Variants in CEACAM1 observed in about 807,000 individuals in gnomAD.
CEACAM1 encodes cell adhesion molecule CEACAM1.
In CEACAM1, 31 loss-of-function variants were observed where a neutral mutation model predicts 49.1. The observed-to-expected ratio is 0.63, with a 90% CI of 0.47 to 0.85. CEACAM1 has a LOEUF of 0.85. Among genes scored for constraint, CEACAM1 ranks in the 40% least tolerant of loss-of-function variants. The probability of loss-of-function intolerance (pLI) is 0.00; values close to 1 mark genes in which losing one functional copy is unlikely to be tolerated. For missense variants in CEACAM1, 570 were observed against 645.3 expected (o/e 0.88, Z 1.26); for synonymous variants, 244 against 247.8 (o/e 0.98, Z 0.14).
chr19:42,517,212 A>G (rs1209983512), intron 5 of CEACAM1, among the ~76,000 whole-genome samples: 1 of 152,252 alleles, frequency 6.6e-6, no homozygotes, highest in African/African-American at 2.4e-5. Flanking sequence ...TGTAAGAGCT[A>G]AAACTATAAA....
intron 8 of CEACAM1, among the ~76,000 whole-genome samples, chr19:42,510,126 C>T (rs2041422158): frequency 6.6e-6 from 1 of 152,144 alleles, no homozygotes; most frequent in African/African-American, 2.4e-5. Context: ...CCCTCTGTCG[C>T]CCAGGCTGGA....
chr19:42,523,956 TAA>T (rs2041824727), intron 2 of CEACAM1, among the ~76,000 whole-genome samples: 1 of 152,172 alleles, frequency 6.6e-6, no homozygotes, highest in African/African-American at 2.4e-5. Context: ...TCAATTGCAT[TAA>T]GAGAGAAACG....
chr19:42,523,590 G>GT (rs891712186), intron 2 of CEACAM1, among the ~76,000 whole-genome samples: 16 of 152,304 alleles, frequency 1.1e-4, no homozygotes, highest in African/African-American at 3.8e-4. Flanking sequence ...AAATATGTGG[G>GT]TTTTTTGCAA....
In CEACAM1 at chr19:42,517,482, A is replaced by G. The variant is rs565220002; in HGVS notation, c.1246+1466T>C. On this transcript the variant is annotated intron_variant, in intron 5 of 8. Transcript: ENST00000161559. ...AAGAACTACTGCAACTCAACCAAAA[A>G]TCCCCAAACAACCTAATTAAAACAT... 4.9e-4 allele frequency among the ~76,000 whole-genome samples: 75 copies of G among 152,366 alleles called. 1 individual carries two copies. Among genetic ancestry groups the G allele is most frequent in the African/African-American group, 1.6e-3 (68 of 41,594 alleles).
chr19:42,513,893 C>CATATATATATATAT (rs144403954), intron 5 of CEACAM1, among the ~76,000 whole-genome samples: 5 of 104,956 alleles, frequency 4.8e-5, no homozygotes, highest in African/African-American at 1.9e-4. Flanking sequence ...CTTCTCCCTC[C>CATATATATATATAT]ATATATATAT....
intron 2 of CEACAM1, chr19:42,525,874 G>A (rs954280043): frequency 6.6e-6 from 1 of 152,202 alleles, no homozygotes; most frequent in African/African-American, 2.4e-5. Context: ...GGCTTATCTT[G>A]TGGTCTGTGA....
chr19:42,519,112 A>G lies in CEACAM1; in HGVS notation c.1082T>C (p.Phe361Ser). 6.2e-7 allele frequency: 1 copy of G among 1,614,122 alleles called. No individual in the cohort carries two copies. The highest frequency in any genetic ancestry group is 8.5e-7 in the Non-Finnish European group (1 of 1,180,020). ...NDTGISIRWF[F>S]KNQSLPSSER... The stretch of plus-strand genomic sequence containing the variant: ...CGAGGACGGGAGACTCTGGTTTTTG[A>G]AGAACCAACGGATGGAGATTCCAGT... The change falls in exon 5 of 9, where the codon TTC becomes TCC. Residue 361 changes from phenylalanine to serine, a missense_variant. By Grantham distance (155) the Phe-to-Ser change is radical (BLOSUM62 -2). Coordinates refer to ENST00000161559, the MANE Select transcript of CEACAM1 (RefSeq NM_001712.5).
intron 2 of CEACAM1, among the ~76,000 whole-genome samples, chr19:42,523,345 G>A (rs900302047): frequency 3.3e-5 from 5 of 152,254 alleles, no homozygotes; most frequent in South Asian, 2.1e-4. Flanking sequence ...TAGCTCAGTC[G>A]TCAGGCAGCA....
At chr19:42,516,807 T>C (rs1043542910) in intron 5 of CEACAM1, 2 of 362,950 alleles carry the variant, frequency 5.5e-6, no homozygotes, top group Admixed American at 3.9e-5. Flanking sequence ...TGGAGGCGGG[T>C]GGATTGCTTG....
intron 5 of CEACAM1, among the ~76,000 whole-genome samples, chr19:42,515,955 C>T (rs115177383): frequency 1.3e-5 from 2 of 151,852 alleles, no homozygotes; most frequent in African/African-American, 2.4e-5. Context: ...GAAAATGAGT[C>T]GATAAAAGCA....
chr19:42,519,319 AT>A, intron 4 of CEACAM1, 84 bp from the exon 5 acceptor site: 1 of 1,405,230 alleles, frequency 7.1e-7, no homozygotes, highest in South Asian at 1.3e-5. Flanking sequence ...TTTCCCTGAG[AT>A]TTTAGCCAGC....
Position 42,509,090 on chromosome 19 carries a change from G to C in CEACAM1, c.*19C>G, listed in dbSNP as rs1004324846. On this transcript the variant is annotated 3_prime_UTR_variant, in exon 9 of 9. Transcript: ENST00000161559. ...AGACTTGAAATACATCAGCACTGCA[G>C]TGAGCAGGACAGGTTTCATTACTGC... is the stretch of plus-strand genomic sequence containing the variant. 2.2e-5 allele frequency: 35 copies of C among 1,613,770 alleles called. No homozygotes were observed. The highest frequency in any genetic ancestry group is 2.7e-5 in the Non-Finnish European group (32 of 1,179,764).
chr19:42,515,342 A>C (rs1213588823), intron 5 of CEACAM1, among the ~76,000 whole-genome samples: 1 of 152,182 alleles, frequency 6.6e-6, no homozygotes, highest in Non-Finnish European at 1.5e-5. Flanking sequence ...GAGGAATCCG[A>C]GGCTCAGAGT....
At chr19:42,517,887 T>C (rs912897897) in intron 5 of CEACAM1, among the ~76,000 whole-genome samples, 5 of 152,220 alleles carry the variant, frequency 3.3e-5, no homozygotes, top group African/African-American at 9.6e-5. Context: ...CCCATGTTTG[T>C]AATAGCATTA....
chr19:42,526,020 A>G (rs1474297647), intron 2 of CEACAM1, among the ~76,000 whole-genome samples: 2 of 151,938 alleles, frequency 1.3e-5, no homozygotes, highest in African/African-American at 4.8e-5. Context: ...CAGTGGTGTG[A>G]TCTTGGCTCA....
At chr19:42,510,809 A>G in intron 8 of CEACAM1, 80 bp downstream of exon 8, 1 of 1,316,636 alleles carries the variant, frequency 7.6e-7, no homozygotes, top group Non-Finnish European at 1.1e-6. Context: ...TTGATGTTAC[A>G]TTGTGTCTTC....
In CEACAM1 at chr19:42,508,962, A is replaced by G; in HGVS notation, c.*147T>C. 1 of 820,716 alleles carries G rather than the reference A, an allele frequency of 1.2e-6. No individual in the cohort carries two copies. The highest frequency in any genetic ancestry group is 1.9e-6 in the Non-Finnish European group (1 of 522,988). 50.8% of individuals were successfully genotyped at this position (820,716 alleles called of 1,614,324 possible). ...ACTGAGAGAGGGGCAGTGACCAGGC[A>G]GCCTGGAGATGCCTATTAGGAAGGA... On this transcript the variant is annotated 3_prime_UTR_variant, in exon 9 of 9. Coordinates refer to ENST00000161559, the MANE Select transcript of CEACAM1 (RefSeq NM_001712.5).
chr19:42,522,567 T>TC (rs778246796), intron 2 of CEACAM1, among the ~76,000 whole-genome samples: 1 of 151,288 alleles, frequency 6.6e-6, no homozygotes, highest in Non-Finnish European at 1.5e-5. Context: ...TTTCTTTCTT[T>TC]CTTTTTTTTT....
intron 5 of CEACAM1, among the ~76,000 whole-genome samples, chr19:42,513,908 AT>A (rs1568652538): frequency 6.0e-5 from 8 of 132,930 alleles, no homozygotes; most frequent in African/African-American, 2.6e-4. Flanking sequence ...ATATATATAT[AT>A]ATATATATAA....
Sources: gnomAD v4.1 joint callset for allele counts (sites outside exome capture counted in the v4.1 genomes callset) on GRCh38, gnomAD v4.1.1 for gene constraint, MANE v1.5 for transcripts, NCBI Gene and HGNC (gene_info 2026-07-23, HGNC 2026-07-21) for gene names.